The following NOS1AP variants were observed in gnomAD, a reference collection of about 807,000 sequenced individuals.
NOS1AP encodes nitric oxide synthase 1 adaptor protein, also known as carboxyl-terminal PDZ ligand of neuronal nitric oxide synthase protein.
In NOS1AP, 21 loss-of-function variants were observed where a neutral mutation model predicts 56.2. The ratio of observed to expected loss-of-function variants is 0.37; its 90% CI spans 0.26 to 0.54. The LOEUF is 0.54. NOS1AP is among the 20% of genes least tolerant of loss of function. The probability of loss-of-function intolerance (pLI) is 0.84; values close to 1 mark genes in which losing one functional copy is unlikely to be tolerated. For missense variants in NOS1AP, 522 were observed against 657.8 expected, an observed-to-expected ratio of 0.79 and a Z score of 2.26; for synonymous variants, 270 against 274.6, an observed-to-expected ratio of 0.98 and a Z score of 0.17.
intron 1 of NOS1AP, among the ~76,000 whole-genome samples, chr1:162,075,792 G>A (rs1203249223): frequency 1.3e-5 from 2 of 151,648 alleles, no homozygotes; most frequent in Non-Finnish European, 2.9e-5. Context: ...TTTGGTGGGG[G>A]GCAGTGAGTT....
intron 7 of NOS1AP, 132 bp from the exon 8 acceptor site, chr1:162,356,828 A>C (rs1400666461): frequency 1.3e-6 from 2 of 1,587,404 alleles, no homozygotes; most frequent in East Asian, 4.5e-5. Context: ...ATTTCCATTG[A>C]AGATATAGTG....
chr1:162,136,097 C>T (rs1455552461), intron 1 of NOS1AP, among the ~76,000 whole-genome samples: 2 of 152,084 alleles, frequency 1.3e-5, no homozygotes, highest in East Asian at 3.9e-4. Flanking sequence ...TCAACAAATG[C>T]TGTACATCAT....
chr1:162,081,774 A>ATATATATATTTTTTTTTTTTTTTT, intron 1 of NOS1AP, among the ~76,000 whole-genome samples: 21 of 44,044 alleles, frequency 4.8e-4, no homozygotes, highest in Admixed American at 9.5e-4. Context: ...ATATATATAT[A>ATATATATATTTTTTTTTTTTTTTT]TTTTTTTTTT....
chr1:162,354,441 T>C (rs991815977), intron 6 of NOS1AP, among the ~76,000 whole-genome samples: 4 of 152,234 alleles, frequency 2.6e-5, no homozygotes, highest in Non-Finnish European at 5.9e-5. Flanking sequence ...TTAAGCAGTA[T>C]GCTGTGCCTG....
intron 1 of NOS1AP, among the ~76,000 whole-genome samples, chr1:162,102,983 G>A (rs1013926515): frequency 2.6e-5 from 4 of 151,882 alleles, no homozygotes; most frequent in Non-Finnish European, 5.9e-5. Context: ...GCTTTTGGGG[G>A]TTTGTTTGCT....
At chr1:162,081,464 G>A (rs975310114) in intron 1 of NOS1AP, among the ~76,000 whole-genome samples, 35 of 151,912 alleles carry the variant, frequency 2.3e-4, no homozygotes, top group African/African-American at 8.5e-4. Context: ...TTCTTGGCTG[G>A]GCTCTTGCCT....
chr1:162,166,886 C>T (rs1379909980), intron 2 of NOS1AP, among the ~76,000 whole-genome samples: 1 of 152,126 alleles, frequency 6.6e-6, no homozygotes, highest in African/African-American at 2.4e-5. Context: ...CAACTCAAGC[C>T]CTTTTGGTCA....
rs1479600857 is a variant in NOS1AP, at chr1:162,370,055, C to T, written c.*2588C>T. The T allele has an allele frequency of 6.6e-6, 1 of 152,250 alleles. No homozygotes were observed. Among genetic ancestry groups the T allele is most frequent in the African/African-American group, 2.4e-5 (1 of 41,442 alleles). 9.4% of individuals were successfully genotyped at this position (152,250 alleles called of 1,614,324 possible). On this transcript the variant is annotated 3_prime_UTR_variant, in exon 10 of 10. Transcript: ENST00000361897. ...GGAGGACAAATGGACACCAGGGGTG[C>T]TAACCTTATTGGTGCCTGCCCCAGC...
chr1:162,092,271 G>T (rs953258655), intron 1 of NOS1AP, among the ~76,000 whole-genome samples: 1 of 152,158 alleles, frequency 6.6e-6, no homozygotes. Context: ...TCAGCTAGTG[G>T]ATTTTCTTAA....
chr1:162,201,853 C>T (rs1338716464), intron 2 of NOS1AP, among the ~76,000 whole-genome samples: 1 of 152,148 alleles, frequency 6.6e-6, no homozygotes, highest in African/African-American at 2.4e-5. Flanking sequence ...GGATATTAGA[C>T]CTGTGTCAGA....
At chr1:162,091,371 G>T (rs1339051932) in intron 1 of NOS1AP, among the ~76,000 whole-genome samples, 1 of 152,096 alleles carries the variant, frequency 6.6e-6, no homozygotes, top group African/African-American at 2.4e-5. Context: ...CCCTTTGATT[G>T]TTCCCACATA....
chr1:162,321,488 A>G (rs902636009), intron 4 of NOS1AP, among the ~76,000 whole-genome samples: 2 of 152,050 alleles, frequency 1.3e-5, no homozygotes, highest in African/African-American at 4.8e-5. Flanking sequence ...CAAACACCAC[A>G]TGTTCTCACT....
At chr1:162,179,084 A>G (rs73026981) in intron 2 of NOS1AP, among the ~76,000 whole-genome samples, 9,977 of 151,566 alleles carry the variant, frequency 0.066, 774 homozygotes, top group African/African-American at 0.19. Context: ...CATCTCCTGG[A>G]CCTGTGTGGC....
intron 2 of NOS1AP, among the ~76,000 whole-genome samples, chr1:162,218,729 G>A (rs1425693885): frequency 6.6e-6 from 1 of 152,130 alleles, no homozygotes; most frequent in Non-Finnish European, 1.5e-5. Context: ...TTAGAGCGGA[G>A]GAGGGTTTCA....
At chr1:162,323,543 G>A (rs752215100) in intron 4 of NOS1AP, among the ~76,000 whole-genome samples, 1 of 152,210 alleles carries the variant, frequency 6.6e-6, no homozygotes. Context: ...TACAGTTGTT[G>A]TGAGGATTAG....
intron 1 of NOS1AP, among the ~76,000 whole-genome samples, chr1:162,147,503 T>C (rs1413645013): frequency 1.3e-5 from 2 of 152,194 alleles, no homozygotes; most frequent in Non-Finnish European, 2.9e-5. Flanking sequence ...GCTTTCTGTC[T>C]TGCTGCTTTT....
At chr1:162,326,130 A>C (rs1256437435) in intron 4 of NOS1AP, among the ~76,000 whole-genome samples, 1 of 152,222 alleles carries the variant, frequency 6.6e-6, no homozygotes, top group Admixed American at 6.5e-5. Context: ...TGAGAGAAGG[A>C]AAATAATTTG....
At chr1:162,145,986 C>T (rs1649449647) in intron 1 of NOS1AP, among the ~76,000 whole-genome samples, 1 of 152,130 alleles carries the variant, frequency 6.6e-6, no homozygotes, top group Admixed American at 6.5e-5. Context: ...TGCTTTGGGC[C>T]TCACTGTCCT....
chr1:162,266,920 G>C (rs903310031), intron 2 of NOS1AP, among the ~76,000 whole-genome samples: 7 of 152,166 alleles, frequency 4.6e-5, no homozygotes, highest in African/African-American at 1.2e-4. Context: ...GCATATGGAA[G>C]ACTCAAACCC....
Sources: gnomAD v4.1 joint callset for allele counts (sites outside exome capture counted in the v4.1 genomes callset) on GRCh38, gnomAD v4.1.1 for gene constraint, MANE v1.5 for transcripts, NCBI Gene and HGNC (gene_info 2026-07-23, HGNC 2026-07-21) for gene names.